Variants in IL13RA1 observed in about 807,000 individuals in gnomAD.
The protein encoded by IL13RA1 is interleukin 13 receptor subunit alpha 1.
IL13RA1 carries 14 observed loss-of-function variants against 33.8 expected under a neutral mutation model. That is an observed-to-expected ratio of 0.41 (90% CI 0.27 to 0.65). IL13RA1 has a LOEUF of 0.65. Among genes scored for constraint, IL13RA1 ranks in the 30% least tolerant of loss-of-function variants. The probability of loss-of-function intolerance (pLI) is 0.28; values close to 1 mark genes in which losing one functional copy is unlikely to be tolerated. For missense variants in IL13RA1, 313 were observed against 327.0 expected (o/e 0.96, Z 0.33); for synonymous variants, 116 against 115.7 (o/e 1.00, Z -0.02).
intron 4 of IL13RA1, among the ~76,000 whole-genome samples, chrX:118,750,447 G>A (rs754509971): frequency 8.2e-5 from 9 of 109,530 alleles, no homozygotes; most frequent in African/African-American, 2.3e-4. Context: ...TGTATATCAC[G>A]AGGCCACTCC....
At chrX:118,733,813 C>T (rs765347548) in intron 1 of IL13RA1, among the ~76,000 whole-genome samples, 10 of 111,254 alleles carry the variant, frequency 9.0e-5, no homozygotes, top group East Asian at 2.8e-4. Flanking sequence ...ATTGGGTAAG[C>T]GTCCAATTTC....
At chrX:118,779,158 G>A (rs187339719) in intron 10 of IL13RA1, among the ~76,000 whole-genome samples, 13 of 111,704 alleles carry the variant, frequency 1.2e-4, no homozygotes, top group African/African-American at 3.2e-4. Flanking sequence ...TATATTAATG[G>A]CACTTTTCAT....
At chrX:118,740,927 C>T (rs903634997) in intron 1 of IL13RA1, 90 bp from the exon 2 acceptor site, 9 of 624,589 alleles carry the variant, frequency 1.4e-5, no homozygotes, top group Non-Finnish European at 2.1e-5. Flanking sequence ...TCAGTTATTA[C>T]TGTCTTGTCC....
intron 4 of IL13RA1, among the ~76,000 whole-genome samples, chrX:118,751,519 C>G (rs2017469530): frequency 9.1e-6 from 1 of 110,131 alleles, no homozygotes; most frequent in Non-Finnish European, 1.9e-5. Context: ...GGGTGGTGGT[C>G]GAGGGGAGGT....
Position 118,749,678 on chromosome X carries a change from A to G in IL13RA1, c.388A>G (p.Thr130Ala). Reference protein sequence around the residue: ...PPEGDPESAVTELQCIWHNLS... With the variant: ...PPEGDPESAVAELQCIWHNLS... ...TCTAGGTGATCCTGAGTCTGCTGTGACTGAGCTTCAATGCATTTGGCACAA... is the reference window on the plus strand; with the variant it reads ...TCTAGGTGATCCTGAGTCTGCTGTGGCTGAGCTTCAATGCATTTGGCACAA... The change falls in exon 4 of 11, where the codon ACT (threonine) becomes GCT (alanine). Residue 130 changes from threonine to alanine, a missense_variant. By Grantham distance (58) the Thr-to-Ala change is moderately conservative. Coordinates refer to ENST00000371666, the MANE Select transcript of IL13RA1 (RefSeq NM_001560.3). The G allele has an allele frequency of 8.3e-7, 1 of 1,205,175 alleles. No homozygotes were observed. The highest frequency in any genetic ancestry group is 1.1e-6 in the Non-Finnish European group (1 of 889,528).
chrX:118,803,044 T>C, the IL13RA1 span, among the ~76,000 whole-genome samples: 3 of 112,382 alleles, frequency 2.7e-5, no homozygotes, highest in Non-Finnish European at 5.6e-5. Context: ...AGAGTCCATG[T>C]TCCAAGCCTT....
chrX:118,740,182 T>C (rs998396187), intron 1 of IL13RA1, among the ~76,000 whole-genome samples: 11 of 111,608 alleles, frequency 9.9e-5, no homozygotes, highest in Admixed American at 8.6e-4. Flanking sequence ...CCGGGGCTGG[T>C]CTCAAACTCC....
chrX:118,801,413 T>A, the IL13RA1 span, among the ~76,000 whole-genome samples: 3 of 112,599 alleles, frequency 2.7e-5, no homozygotes, highest in Non-Finnish European at 5.6e-5. Flanking sequence ...ATGCTTCATT[T>A]TTAAGACATT....
the IL13RA1 span, among the ~76,000 whole-genome samples, chrX:118,803,369 A>G: frequency 8.9e-6 from 1 of 112,353 alleles, no homozygotes; most frequent in African/African-American, 3.2e-5. Flanking sequence ...TATTTCATTT[A>G]TACTGCCACC....
intron 1 of IL13RA1, among the ~76,000 whole-genome samples, chrX:118,728,761 T>C (rs2017184340): frequency 9.0e-6 from 1 of 111,702 alleles, no homozygotes. Context: ...GTTTAGGGGC[T>C]GAGGATGCAG....
At chrX:118,767,791 C>G (rs1268159621) in intron 8 of IL13RA1, among the ~76,000 whole-genome samples, 1 of 111,311 alleles carries the variant, frequency 9.0e-6, no homozygotes, top group Non-Finnish European at 1.9e-5. Context: ...TGCAATGTGA[C>G]TCAACATTGT....
chrX:118,803,675 T>A, the IL13RA1 span, among the ~76,000 whole-genome samples: 2 of 111,676 alleles, frequency 1.8e-5, no homozygotes, highest in African/African-American at 6.5e-5. Flanking sequence ...CTTTGTAATA[T>A]ACAGGGGTGA....
chrX:118,749,612 A>G, intron 3 of IL13RA1, 46 bp from the exon 4 acceptor site: 5 of 1,170,463 alleles, frequency 4.3e-6, no homozygotes, highest in Non-Finnish European at 5.8e-6. Flanking sequence ...GCTACTTTGC[A>G]TTACAAGGAA....
the IL13RA1 span, among the ~76,000 whole-genome samples, chrX:118,801,656 G>A: frequency 3.6e-5 from 4 of 112,454 alleles, no homozygotes; most frequent in Admixed American, 9.4e-5. Context: ...ACCACCTAGC[G>A]TTGCTGTGAG....
the IL13RA1 span, among the ~76,000 whole-genome samples, chrX:118,803,901 CCTTCCTTCCTTCCTTCCTTCCTCT>C: frequency 1.1e-5 from 1 of 92,014 alleles, no homozygotes; most frequent in Non-Finnish European, 2.2e-5. Context: ...TTCCTTCCTT[CCTTCCTTCCTTCCTTCCTTCCTCT>C]CTCTCTTTTT....
chrX:118,799,467 G>A, downstream of IL13RA1, among the ~76,000 whole-genome samples: 1 of 112,959 alleles, frequency 8.9e-6, no homozygotes, highest in Non-Finnish European at 1.9e-5. Context: ...CTCAGGGATT[G>A]TAAATACACC....
the IL13RA1 span, among the ~76,000 whole-genome samples, chrX:118,800,890 G>A: frequency 9.0e-6 from 1 of 111,691 alleles, no homozygotes; most frequent in African/African-American, 3.3e-5. Flanking sequence ...AGGTTCAAGC[G>A]GTTCTCCTAC....
chrX:118,748,488 AAAT>A (rs1326510382), intron 3 of IL13RA1, among the ~76,000 whole-genome samples: 1 of 109,169 alleles, frequency 9.2e-6, no homozygotes, highest in African/African-American at 3.3e-5. Flanking sequence ...ACATGGAGAA[AAAT>A]AATAATAATT....
chrX:118,775,182 A>G (rs904751493), intron 9 of IL13RA1, among the ~76,000 whole-genome samples: 2 of 111,642 alleles, frequency 1.8e-5, no homozygotes, highest in African/African-American at 6.5e-5. Flanking sequence ...AAAGGAGTGA[A>G]TCATTCAGAT....
Sources: allele counts gnomAD v4.1 joint callset (sites outside exome capture counted in the v4.1 genomes callset), GRCh38; gene constraint gnomAD v4.1.1; transcripts MANE v1.5; gene names NCBI Gene and HGNC (gene_info 2026-07-23, HGNC 2026-07-21).